The following NCOA6 variants were observed in gnomAD, a reference collection of about 807,000 sequenced individuals.
NCOA6 encodes NRC RAP250.
Under a neutral mutation model 171.4 loss-of-function variants are expected in NCOA6, and 49 were observed. The observed-to-expected ratio is 0.29, with a 90% CI of 0.23 to 0.36. The LOEUF (loss-of-function observed/expected upper bound fraction) is 0.36. NCOA6 is among the 10% of genes least tolerant of loss of function. NCOA6 has a pLI of 1.00. For synonymous variants in NCOA6, 910 were observed against 927.5 expected (o/e 0.98, Z 0.34); for missense variants, 2,248 against 2,554.5 (o/e 0.88, Z 2.59).
intron 1 of NCOA6, among the ~76,000 whole-genome samples, chr20:34,793,645 A>G (rs537416982): frequency 6.6e-6 from 1 of 152,230 alleles, no homozygotes; most frequent in African/African-American, 2.4e-5. Context: ...TAATAAAGCC[A>G]TAAGAGAAAA....
chr20:34,780,342 G>C (rs933763091), intron 3 of NCOA6, among the ~76,000 whole-genome samples: 3 of 152,016 alleles, frequency 2.0e-5, no homozygotes, highest in Non-Finnish European at 2.9e-5. Context: ...CATAAATCTA[G>C]AGTTGGTTAT....
chr20:34,808,093 T>A (rs2078522917), intron 1 of NCOA6, among the ~76,000 whole-genome samples: 1 of 151,076 alleles, frequency 6.6e-6, no homozygotes, highest in Admixed American at 6.6e-5. Context: ...GAGGTTGCAG[T>A]GAGCCAAGAT....
chr20:34,787,381 C>G (rs1355231528), intron 2 of NCOA6, among the ~76,000 whole-genome samples: 1 of 151,886 alleles, frequency 6.6e-6, no homozygotes, highest in African/African-American at 2.4e-5. Context: ...TAAAAATTAA[C>G]CAGGTGTGGT....
At position 34,749,364 on chromosome 20, in the gene NCOA6, C is replaced by A. The variant is rs781721666; in HGVS notation, c.2792+39G>T. The A allele has an allele frequency of 1.9e-6, 3 of 1,550,708 alleles. No homozygotes were observed. In the South Asian group the frequency reaches 3.7e-5, roughly 19 times the overall value. On this transcript the variant is annotated intron_variant, in intron 9 of 14. Transcript: ENST00000359003. ...TCAAAAAAGTTATCCACACAGAAAA[C>A]AAATGAATAAAATTTGAGGCAAAAC...
intron 14 of NCOA6, 55 bp downstream of exon 14, chr20:34,727,203 TA>T: frequency 6.3e-7 from 1 of 1,577,764 alleles, no homozygotes. Context: ...ACTGCTGTGG[TA>T]AGAACTCTAT....
At chr20:34,821,547 G>T (rs6088618) in intron 1 of NCOA6, 1 of 150,976 alleles carries the variant, frequency 6.6e-6, no homozygotes, top group Non-Finnish European at 1.5e-5. Flanking sequence ...AAACCTTTTC[G>T]CCCTTATTAT....
At chr20:34,806,314 C>G (rs539649063) in intron 1 of NCOA6, among the ~76,000 whole-genome samples, 1 of 152,176 alleles carries the variant, frequency 6.6e-6, no homozygotes, top group Non-Finnish European at 1.5e-5. Context: ...AGATATTAAT[C>G]CCTTGTCACA....
chr20:34,807,832 T>C (rs950343090), intron 1 of NCOA6, among the ~76,000 whole-genome samples: 2 of 150,846 alleles, frequency 1.3e-5, no homozygotes, highest in African/African-American at 4.9e-5. Context: ...GCCTTTTTTT[T>C]TAGTTTTTGT....
chr20:34,811,055 T>C (rs2078641828), intron 1 of NCOA6, among the ~76,000 whole-genome samples: 1 of 151,258 alleles, frequency 6.6e-6, no homozygotes, highest in Non-Finnish European at 1.5e-5. Flanking sequence ...AAAGTTGTTT[T>C]ATGATTTAGG....
intron 1 of NCOA6, among the ~76,000 whole-genome samples, chr20:34,804,724 CTG>C (rs1273043826): frequency 2.0e-5 from 3 of 151,954 alleles, no homozygotes; most frequent in Admixed American, 6.6e-5. Context: ...TCACACATAA[CTG>C]TATATATACA....
intron 3 of NCOA6, among the ~76,000 whole-genome samples, chr20:34,780,492 C>T (rs2077484129): frequency 6.6e-6 from 1 of 151,926 alleles, no homozygotes; most frequent in Admixed American, 6.6e-5. Context: ...GCTGGGATTA[C>T]AGGCACCTGC....
rs1405351108 is a variant in NCOA6, at chr20:34,817,199, G to A, written c.-164+8273C>T. On this transcript the variant is annotated intron_variant, in intron 1 of 14. Transcript: ENST00000359003. Reference sequence around the variant, plus strand: ...GGTACTACGGAACTGATATTCAACAGATTCAATATCAGTAAAGGAGCTGAT... The same window carrying A: ...GGTACTACGGAACTGATATTCAACAAATTCAATATCAGTAAAGGAGCTGAT... Among the ~76,000 whole-genome samples, 156 of 69,436 alleles carry A rather than the reference G, an allele frequency of 2.2e-3. 36 individuals are homozygous for A. Among genetic ancestry groups the A allele is most frequent in the Middle Eastern group, 0.01 (1 of 100 alleles). The allele number at this position is 69,436 out of a possible 152,430, so 45.6% of individuals were successfully genotyped here. A position where few individuals can be genotyped will look rare whatever the true frequency, so the allele number is the denominator to read the frequency against.
At chr20:34,766,566 G>A (rs929369596) in intron 5 of NCOA6, among the ~76,000 whole-genome samples, 2 of 152,068 alleles carry the variant, frequency 1.3e-5, no homozygotes, top group South Asian at 4.2e-4. Flanking sequence ...CAAAAAAAAA[G>A]CACTATAATT....
intron 1 of NCOA6, among the ~76,000 whole-genome samples, chr20:34,796,565 C>T (rs893623747): frequency 1.3e-5 from 2 of 152,024 alleles, no homozygotes; most frequent in African/African-American, 4.8e-5. Flanking sequence ...GAGATTACAG[C>T]GAGCTGTGAT....
At chr20:34,716,305 C>T (rs1988591498) in intron 14 of NCOA6, among the ~76,000 whole-genome samples, 1 of 151,382 alleles carries the variant, frequency 6.6e-6, no homozygotes, top group Non-Finnish European at 1.5e-5. Flanking sequence ...CCCAAGTGAG[C>T]CTGAAGGCTT....
chr20:34,750,863 A>G (rs1352417294), intron 8 of NCOA6, among the ~76,000 whole-genome samples: 2 of 152,186 alleles, frequency 1.3e-5, no homozygotes, highest in Non-Finnish European at 2.9e-5. Context: ...AATGACTTGT[A>G]GTGGCCAGGC....
At chr20:34,823,245 C>A (rs59308327) in intron 1 of NCOA6, among the ~76,000 whole-genome samples, 23,951 of 152,016 alleles carry the variant, frequency 0.16, 2,078 homozygotes, top group South Asian at 0.32. Context: ...AGGCTGGGCG[C>A]GGTGGCTCAC....
chr20:34,774,190 A>AT (rs2077239597), intron 4 of NCOA6, among the ~76,000 whole-genome samples: 1 of 152,240 alleles, frequency 6.6e-6, no homozygotes, highest in African/African-American at 2.4e-5. Context: ...TGAAGCCTTT[A>AT]AATAGGTAAC....
chr20:34,738,663 T>A (rs2076032125), intron 11 of NCOA6, among the ~76,000 whole-genome samples: 1 of 152,230 alleles, frequency 6.6e-6, no homozygotes, highest in South Asian at 2.1e-4. Flanking sequence ...AATTAACCTT[T>A]CCAGAGCTCT....
Sources: gnomAD v4.1 joint callset for allele counts (sites outside exome capture counted in the v4.1 genomes callset) on GRCh38, gnomAD v4.1.1 for gene constraint, MANE v1.5 for transcripts, NCBI Gene and HGNC (gene_info 2026-07-23, HGNC 2026-07-21) for gene names.